The following SPG7 variants were observed in gnomAD, a reference collection of about 807,000 sequenced individuals.
SPG7 encodes SPG7 matrix AAA peptidase subunit, paraplegin, also known as mitochondrial inner membrane m-AAA protease component paraplegin.
In SPG7, 103 loss-of-function variants were observed where a neutral mutation model predicts 81.9. The observed-to-expected ratio is 1.26, with a 90% CI of 1.07 to 1.48. SPG7 has a LOEUF of 1.48. Ranked by LOEUF, SPG7 falls within the 40% of genes most tolerant of loss-of-function variation. The probability of loss-of-function intolerance (pLI) is 0.00; values close to 1 mark genes in which losing one functional copy is unlikely to be tolerated. For missense variants in SPG7, 1,241 were observed against 1,087.3 expected, an observed-to-expected ratio of 1.14 and a Z score of -1.99; for synonymous variants, 534 against 444.2, an observed-to-expected ratio of 1.20 and a Z score of -2.54.
At chr16:89,542,348 A>T (rs1597650547) in intron 9 of SPG7, 1 of 152,102 alleles carries the variant, frequency 6.6e-6, no homozygotes, top group Non-Finnish European at 1.5e-5. Context: ...CACCCTCCCC[A>T]GCCTCTTGTT....
In SPG7 at chr16:89,508,715, GT is replaced by G. The variant is rs2057966802; in HGVS notation, c.183+116del. On this transcript the variant is annotated intron_variant, in intron 1 of 16. Coordinates refer to ENST00000645818, the MANE Select transcript of SPG7 (RefSeq NM_003119.4). ...CCCTGCGGCGGGGGAGCCTGCGCCT[GT>G]GGGCCCGCGGATCCCCCAGCTGTGG... 2.7e-6 allele frequency: 3 copies of G among 1,092,028 alleles called. No homozygotes were observed. The South Asian group carries it at 4.1e-5, about 15-fold the overall frequency. The allele number at this position is 1,092,028 out of a possible 1,614,324, so 67.6% of individuals were successfully genotyped here.
intron 4 of SPG7, among the ~76,000 whole-genome samples, chr16:89,524,831 G>A (rs1597622187): frequency 6.6e-6 from 1 of 152,206 alleles, no homozygotes; most frequent in African/African-American, 2.4e-5. Context: ...CCAGTGATTA[G>A]GAAAGTGGTC....
chr16:89,556,335 A>G (rs1483858005), intron 16 of SPG7: 2 of 360,034 alleles, frequency 5.6e-6, no homozygotes, highest in Non-Finnish European at 9.9e-6. Flanking sequence ...AATCTGGAAG[A>G]GTTCTGCCTT....
In SPG7 at chr16:89,512,844, T is replaced by C. The variant is rs2058039938; in HGVS notation, c.287-104T>C. ...TATGGATATAAGTAGGTTTTTCAGA[T>C]GGTTTTTGTTTTGCTTTGGTTATTT... On this transcript the variant is annotated intron_variant, in intron 2 of 16. Transcript: ENST00000645818. 5.6e-6 allele frequency: 7 copies of C among 1,239,848 alleles called. No individual in the cohort carries two copies. In the South Asian group the frequency reaches 8.5e-5, roughly 15 times the overall value. 76.8% of individuals were successfully genotyped at this position (1,239,848 alleles called of 1,614,324 possible). A position where few individuals can be genotyped will look rare whatever the true frequency, so the allele number is the denominator to read the frequency against.
intron 12 of SPG7, chr16:89,548,357 A>C: frequency 2.0e-6 from 1 of 498,602 alleles, no homozygotes; most frequent in Non-Finnish European, 3.6e-6. Context: ...TTGCCAAAGA[A>C]AGTGAAAAAA....
intron 10 of SPG7, chr16:89,546,020 G>T: frequency 2.6e-6 from 1 of 389,578 alleles, no homozygotes; most frequent in Non-Finnish European, 5.1e-6. Context: ...GAGTCTCGCT[G>T]TGTTGCCAAG....
chr16:89,529,384 T>C, intron 5 of SPG7, 93 bp from the exon 6 acceptor site: 3 of 815,932 alleles, frequency 3.7e-6, no homozygotes, highest in Admixed American at 2.0e-5. Context: ...CGTCTCATCT[T>C]GGAAACATTG....
intron 3 of SPG7, chr16:89,523,350 T>G (rs1413727421): frequency 1.5e-5 from 4 of 269,870 alleles, no homozygotes; most frequent in East Asian, 2.0e-4. Flanking sequence ...TCAGAATGGT[T>G]GTTGGGTAGG....
chr16:89,533,072 T>TAA (rs2058366909), intron 9 of SPG7: 1 of 22,638 alleles, frequency 4.4e-5, no homozygotes, highest in Non-Finnish European at 9.5e-5. Flanking sequence ...AGACTCCATC[T>TAA]CAAAAAAAAA....
In SPG7 at chr16:89,548,000, CAG is replaced by C. The variant is rs772828460; in HGVS notation, c.1553-2_1553-1del. 1.5e-5 allele frequency: 24 copies of C among 1,611,774 alleles called. No individual in the cohort carries two copies. Among genetic ancestry groups the C allele is most frequent in the African/African-American group, 5.3e-5 (4 of 75,036 alleles). On this transcript the variant is annotated splice_acceptor_variant, in intron 11 of 16. Transcript: ENST00000645818. LOFTEE classifies it high-confidence loss of function. ...CCCACACCGTGGCTGTTTGTGTTGA[CAG>C]GGGCTGACATCGCCAACATCTGCAA...
rs778297533 is a variant in SPG7 at position 89,545,983 on chromosome 16, C to T, written c.1450-675C>T. On this transcript the variant is annotated intron_variant, in intron 10 of 16. Transcript: ENST00000645818. The stretch of plus-strand genomic sequence containing the variant: ...AGGAGCTAGGACTACTATGGGCGTG[C>T]GCCGCCGTGCTGGTTAATTTTTAAC... 3.3e-5 allele frequency: 14 copies of T among 424,058 alleles called. No individual in the cohort carries two copies. The East Asian group carries it at 3.7e-4, about 11-fold the overall frequency. 26.3% of individuals were successfully genotyped at this position (424,058 alleles called of 1,614,324 possible). A position where few individuals can be genotyped will look rare whatever the true frequency, so the allele number is the denominator to read the frequency against.
intron 9 of SPG7, 154 bp from the exon 10 acceptor site, chr16:89,544,494 C>T (rs186758586): frequency 2.0e-5 from 16 of 814,542 alleles, no homozygotes; most frequent in African/African-American, 5.1e-5. Context: ...GATGGGGGAT[C>T]GCGGCTCCTA....
At chr16:89,536,618 C>G (rs1294078548) in intron 9 of SPG7, 2 of 796,026 alleles carry the variant, frequency 2.5e-6, no homozygotes, top group African/African-American at 5.2e-5. Context: ...GTGGGTGAGG[C>G]GGGTGAGGGC....
At chr16:89,549,045 A>T (rs4325552) in intron 12 of SPG7, 3 of 456,350 alleles carry the variant, frequency 6.6e-6, no homozygotes, top group South Asian at 1.5e-5. Context: ...CTGCTGTGCC[A>T]GACACTGCAA....
chr16:89,522,902 C>T lies in SPG7; in HGVS notation c.377-1104C>T, dbSNP rs116688131. 1,411 of 152,678 alleles carry T rather than the reference C, an allele frequency of 9.2e-3. 26 individuals are homozygous for T. The highest frequency in any genetic ancestry group is 0.032 in the African/African-American group (1,342 of 41,602). The allele number at this position is 152,678 out of a possible 1,614,324, so 9.5% of individuals were successfully genotyped here. ...GCGTCTCCCTGGCTTCGCTGCCTGGCGCTGCTTGCCACGCCTCCTTGCAGG... is the reference window on the plus strand; with the variant it reads ...GCGTCTCCCTGGCTTCGCTGCCTGGTGCTGCTTGCCACGCCTCCTTGCAGG... On this transcript the variant is annotated intron_variant, in intron 3 of 16. Transcript: ENST00000645818.
intron 9 of SPG7, chr16:89,537,159 T>G (rs1871756274): frequency 6.9e-7 from 1 of 1,455,508 alleles, no homozygotes. Flanking sequence ...TTGCTTCCGT[T>G]CATGGAAGCG....
Position 89,530,726 on chromosome 16 carries a change from T to G in SPG7, c.905T>G (p.Met302Arg), listed in dbSNP as rs759714565. The G allele has an allele frequency of 6.2e-7, 1 of 1,613,998 alleles. No individual in the cohort carries two copies. Among genetic ancestry groups the G allele is most frequent in the East Asian group, 2.2e-5 (1 of 44,860 alleles). ...CGTTTCACCATTGTGGATGGGAAGA[T>G]GGGGAAAGGAGTCAGCTTCAAAGAC... ...MARFTIVDGK[M>R]GKGVSFKDVA... The change falls in exon 7 of 17, where the codon ATG (methionine) becomes AGG (arginine). Residue 302 changes from methionine to arginine, a missense_variant. Transcript: ENST00000645818.
At chr16:89,531,751 G>C in intron 7 of SPG7, 153 bp from the exon 8 acceptor site, 1 of 729,072 alleles carries the variant, frequency 1.4e-6, no homozygotes, top group Non-Finnish European at 2.4e-6. Flanking sequence ...GCTGAGGTGA[G>C]AGGGTGGCTT....
At chr16:89,512,860 T>G in intron 2 of SPG7, 88 bp from the exon 3 acceptor site, 1 of 1,457,686 alleles carries the variant, frequency 6.9e-7, no homozygotes, top group Non-Finnish European at 9.6e-7. Context: ...TTGTTTTGCT[T>G]TGGTTATTTA....
Sources: gnomAD v4.1 joint callset for allele counts (sites outside exome capture counted in the v4.1 genomes callset) on GRCh38, gnomAD v4.1.1 for gene constraint, MANE v1.5 for transcripts, NCBI Gene and HGNC (gene_info 2026-07-23, HGNC 2026-07-21) for gene names.